Variants in B4GALT3 observed in about 807,000 individuals in gnomAD.
The protein encoded by B4GALT3 is N-acetyllactosamine synthase.
A neutral mutation model predicts 40.7 loss-of-function variants in B4GALT3; 29 were observed. That is an observed-to-expected ratio of 0.71 (90% CI 0.53 to 0.97). The LOEUF (loss-of-function observed/expected upper bound fraction) is 0.97, where lower values mean the gene tolerates loss of function less well. Among genes scored for constraint, B4GALT3 ranks in the 50% least tolerant of loss-of-function variants. The pLI, the probability that B4GALT3 is intolerant of heterozygous loss-of-function variation, is 0.00. For synonymous variants in B4GALT3, 182 were observed against 203.9 expected (o/e 0.89, Z 0.92); for missense variants, 390 against 522.3 (o/e 0.75, Z 2.47).
In B4GALT3 at chr1:161,176,318, ATCTACTG is replaced by A. The variant is rs1003438883; in HGVS notation, c.-15+109_-15+115del. ...TACCTCCCCCCAAACCACTCCCACCATCTACTGTCAGTCCTCACCCCCAAAAATGTTT... is the reference window on the plus strand; with the variant it reads ...TACCTCCCCCCAAACCACTCCCACCATCAGTCCTCACCCCCAAAAATGTTT... On this transcript the variant is annotated intron_variant, in intron 2 of 7. Coordinates refer to ENST00000319769, the MANE Select transcript of B4GALT3 (RefSeq NM_003779.4). 6 of 568,010 alleles carry A rather than the reference ATCTACTG, an allele frequency of 1.1e-5. No individual in the cohort carries two copies. The African/African-American group carries it at 1.1e-4, about 11-fold the overall frequency. 35.2% of individuals were successfully genotyped at this position (568,010 alleles called of 1,614,324 possible).
intron 6 of B4GALT3, among the ~76,000 whole-genome samples, chr1:161,173,060 C>T (rs1392803260): frequency 6.6e-6 from 1 of 152,108 alleles, no homozygotes; most frequent in Non-Finnish European, 1.5e-5. Flanking sequence ...GATGAGAATT[C>T]ACAGAGATGT....
intron 1 of B4GALT3, chr1:161,177,026 G>C: frequency 6.5e-7 from 1 of 1,536,052 alleles, no homozygotes. Context: ...CCGGAGCTCG[G>C]CGGAGAGTAG....
chr1:161,171,813 G>T lies in B4GALT3; in HGVS notation c.*3C>A, dbSNP rs1207934924. ...CATGATTAAGGTAGACAGGAAGGAGGAGTCAGTGTGAACCTCGGAGGGCTG... is the reference window on the plus strand; with the variant it reads ...CATGATTAAGGTAGACAGGAAGGAGTAGTCAGTGTGAACCTCGGAGGGCTG... On this transcript the variant is annotated 3_prime_UTR_variant, in exon 8 of 8. Coordinates refer to ENST00000319769, the MANE Select transcript of B4GALT3 (RefSeq NM_003779.4). 1.2e-6 allele frequency: 2 copies of T among 1,613,774 alleles called. No homozygotes were observed. The highest frequency in any genetic ancestry group is 3.3e-5 in the Admixed American group (2 of 60,000).
chr1:161,173,798 TCTC>T (rs1484135877), intron 5 of B4GALT3, 58 bp downstream of exon 5: 11 of 1,610,200 alleles, frequency 6.8e-6, no homozygotes, highest in Non-Finnish European at 9.3e-6. Flanking sequence ...TCCGCTTGGC[TCTC>T]CTCCTTCCAC....
chr1:161,174,857 G>A (rs976954407), intron 4 of B4GALT3, 136 bp downstream of exon 4: 11 of 873,642 alleles, frequency 1.3e-5, no homozygotes, highest in East Asian at 5.2e-5. Flanking sequence ...GAGCAGTGCC[G>A]GGTGCTTCTC....
chr1:161,172,683 C>CTTAG (rs5778197), intron 6 of B4GALT3, among the ~76,000 whole-genome samples: 51,682 of 151,528 alleles, frequency 0.34, 8,992 homozygotes, highest in East Asian at 0.43. Context: ...TGCTGAGAAT[C>CTTAG]TTAGAATAGT....
chr1:161,175,290 G>T (rs1434930448), intron 3 of B4GALT3, 62 bp from the exon 4 acceptor site: 1 of 1,467,180 alleles, frequency 6.8e-7, no homozygotes, highest in African/African-American at 1.4e-5. Context: ...ATCAAACTAG[G>T]GTTTGGGAAT....
chr1:161,172,457 A>C, intron 6 of B4GALT3, 126 bp from the exon 7 acceptor site: 1 of 773,606 alleles, frequency 1.3e-6, no homozygotes, highest in South Asian at 1.9e-5. Context: ...AAAGCCCAGG[A>C]CAGAAGTCAA....
At chr1:161,173,152 G>A (rs1469980980) in intron 6 of B4GALT3, among the ~76,000 whole-genome samples, 4 of 152,164 alleles carry the variant, frequency 2.6e-5, no homozygotes, top group Admixed American at 2.0e-4. Context: ...CATGAAATTG[G>A]GTCAGCTGAG....
chr1:161,177,084 G>T, intron 1 of B4GALT3: 1 of 1,533,120 alleles, frequency 6.5e-7, no homozygotes, highest in Non-Finnish European at 8.7e-7. Context: ...CTCTTCTAGC[G>T]GGGGTGGGGA....
In B4GALT3 at chr1:161,176,592, T is replaced by G. The variant is rs1223205364; in HGVS notation, c.-160-13A>C. 1 of 518,906 alleles carries G rather than the reference T, an allele frequency of 1.9e-6. No individual in the cohort carries two copies. Among genetic ancestry groups the G allele is most frequent in the Non-Finnish European group, 3.5e-6 (1 of 289,666 alleles). The allele number at this position is 518,906 out of a possible 1,614,324, so 32.1% of individuals were successfully genotyped here. ...AATCTGGGACCAGCTGGAACAGAAG[T>G]GGTAAAGGATAACTAGCTACCTGCA... On this transcript the variant is annotated splice_polypyrimidine_tract_variant and intron_variant, in intron 1 of 7. Coordinates refer to ENST00000319769, the MANE Select transcript of B4GALT3 (RefSeq NM_003779.4).
chr1:161,177,616 G>A (rs1269356236), upstream of B4GALT3: 3 of 158,432 alleles, frequency 1.9e-5, no homozygotes, highest in Non-Finnish European at 4.2e-5. Flanking sequence ...AGCAGCGCCT[G>A]AGCCTGCCCA....
In B4GALT3 at chr1:161,173,718, G is replaced by A. The variant is rs780715975; in HGVS notation, c.690C>T (p.Tyr230=). 3 of 1,614,154 alleles carry A rather than the reference G, an allele frequency of 1.9e-6. No homozygotes were observed. In the South Asian group the frequency reaches 3.3e-5, roughly 18 times the overall value. Residue 230 remains tyrosine, a synonymous_variant, in exon 6 of 8, where the codon TAC becomes TAT. Coordinates refer to ENST00000319769, the MANE Select transcript of B4GALT3 (RefSeq NM_003779.4). The part of the protein sequence containing the change: ...AMNKFGYSLP[Y]PQYFGGVSAL... The stretch of plus-strand genomic sequence containing the variant: ...CTGAGACTCCTCCGAAGTACTGGGG[G>A]TACGGGAGGCTAGGGAGAGAAAGAT...
intron 1 of B4GALT3, 86 bp downstream of exon 1, chr1:161,177,337 C>T (rs1664005999): frequency 2.6e-5 from 13 of 495,634 alleles, no homozygotes; most frequent in African/African-American, 3.9e-5. Context: ...GGCTCGTCTC[C>T]AGGCGTTACC....
intron 7 of B4GALT3, 33 bp downstream of exon 7, chr1:161,172,194 A>G: frequency 5.6e-6 from 9 of 1,612,836 alleles, no homozygotes; most frequent in Non-Finnish European, 7.6e-6. Context: ...AGGATCCAGT[A>G]ACAATTCCCA....
chr1:161,171,474 C>A lies in B4GALT3; in HGVS notation c.*342G>T. ...AAATAGAATAAATATTCACAGAGGT[C>A]CGAGGAGAAGCCAGATCACTCTTCT... On this transcript the variant is annotated 3_prime_UTR_variant, in exon 8 of 8. Transcript: ENST00000319769. 1.7e-6 allele frequency: 1 copy of A among 590,086 alleles called. No individual in the cohort carries two copies. The highest frequency in any genetic ancestry group is 3.0e-6 in the Non-Finnish European group (1 of 337,234). The allele number at this position is 590,086 out of a possible 1,614,324, so 36.6% of individuals were successfully genotyped here. A position where few individuals can be genotyped will look rare whatever the true frequency, so the allele number is the denominator to read the frequency against.
In B4GALT3 at chr1:161,171,381, C is replaced by G. The variant is rs895875128; in HGVS notation, c.*435G>C. On this transcript the variant is annotated 3_prime_UTR_variant, in exon 8 of 8. Transcript: ENST00000319769. Reference sequence around the variant, plus strand: ...CCTGAGCCAGGACCAGAAGAGGGAGCTATTCCAGCATAGGCAGAAAATGCC... The same window carrying G: ...CCTGAGCCAGGACCAGAAGAGGGAGGTATTCCAGCATAGGCAGAAAATGCC... 1 of 891,190 alleles carries G rather than the reference C, an allele frequency of 1.1e-6. No individual in the cohort carries two copies. Among genetic ancestry groups the G allele is most frequent in the Admixed American group, 2.4e-5 (1 of 42,126 alleles). 55.2% of individuals were successfully genotyped at this position (891,190 alleles called of 1,614,324 possible).
intron 2 of B4GALT3, 96 bp downstream of exon 2, chr1:161,176,335 ACCC>A: frequency 1.8e-6 from 1 of 544,006 alleles, no homozygotes; most frequent in South Asian, 2.3e-5. Context: ...GTCAGTCCTC[ACCC>A]CCAAAAATGT....
chr1:161,175,959 G>A lies in B4GALT3; in HGVS notation c.102C>T (p.Leu34=), dbSNP rs1035065243. Reference sequence around the variant, plus strand: ...CCTGATCTCGGCCAAATAGGGCACTGAGACTTCGGAAGCCCCCCAGTGACA... The same window carrying A: ...CCTGATCTCGGCCAAATAGGGCACTAAGACTTCGGAAGCCCCCCAGTGACA... The part of the protein sequence containing the change: ...MYLSLGGFRS[L]SALFGRDQGP... Residue 34 remains leucine (L), a synonymous_variant, in exon 3 of 8, where the codon CTC becomes CTT. Transcript: ENST00000319769. 9 of 1,614,130 alleles carry A rather than the reference G, an allele frequency of 5.6e-6. No homozygotes were observed. Among genetic ancestry groups the A allele is most frequent in the Non-Finnish European group, 7.6e-6 (9 of 1,180,016 alleles).
Sources: gnomAD v4.1 joint callset for allele counts (sites outside exome capture counted in the v4.1 genomes callset) on GRCh38, gnomAD v4.1.1 for gene constraint, MANE v1.5 for transcripts, NCBI Gene and HGNC (gene_info 2026-07-23, HGNC 2026-07-21) for gene names.